The following ZNF469 variants were observed in gnomAD, a reference collection of about 807,000 sequenced individuals.
ZNF469 encodes zinc finger protein 469.
In ZNF469, 1 loss-of-function variant was observed where a neutral mutation model predicts 1.0. The observed-to-expected ratio is 1.00, with a 90% CI of 0.35 to 4.73. ZNF469 has a LOEUF of 4.73. Among genes scored for constraint, ZNF469 ranks in the 30% most tolerant of loss-of-function variants. The pLI is 0.16. For synonymous variants in ZNF469, 2,703 were observed against 2,363.4 expected (o/e 1.14, Z -4.17); for missense variants, 6,100 against 5,356.3 (o/e 1.14, Z -4.33).
At chr16:88,399,441 C>G (rs1904791741) in intron 1 of ZNF469, among the ~76,000 whole-genome samples, 1 of 152,110 alleles carries the variant, frequency 6.6e-6, no homozygotes, top group Admixed American at 6.5e-5. Flanking sequence ...TAAACTGGGC[C>G]TGTGGGCCCA....
In ZNF469 at chr16:88,434,014, C is replaced by G; in HGVS notation, c.6544C>G (p.Gln2182Glu). 1 of 1,550,200 alleles carries G rather than the reference C, an allele frequency of 6.5e-7. No individual in the cohort carries two copies. The highest frequency in any genetic ancestry group is 1.2e-5 in the South Asian group (1 of 84,060). ...WAPLEEADGVQATTDTGAEDS... is the reference protein window; with the variant it reads ...WAPLEEADGVEATTDTGAEDS... ...ACCTCTGGAAGAGGCAGATGGCGTC[C>G]AAGCCACGACAGATACTGGGGCTGA... Residue 2182 changes from glutamine to glutamate, a missense_variant, in exon 3 of 3, where the codon CAA (glutamine) becomes GAA (glutamate). Gln to Glu is a conservative substitution (Grantham distance 29). Coordinates refer to ENST00000565624, the MANE Select transcript of ZNF469 (RefSeq NM_001367624.2).
At chr16:88,116,048 C>T in the ZNF469 span, among the ~76,000 whole-genome samples, 1 of 152,226 alleles carries the variant, frequency 6.6e-6, no homozygotes, top group Non-Finnish European at 1.5e-5. Flanking sequence ...AGAGAAACTG[C>T]AGAGCGGGGA....
intron 1 of ZNF469, among the ~76,000 whole-genome samples, chr16:88,403,164 G>A (rs563280429): frequency 6.6e-6 from 1 of 152,204 alleles, no homozygotes; most frequent in Non-Finnish European, 1.5e-5. Flanking sequence ...CTCGGGGCCA[G>A]TGGCCGTGCT....
At chr16:88,187,198 G>A in the ZNF469 span, among the ~76,000 whole-genome samples, 67 of 152,148 alleles carry the variant, frequency 4.4e-4, no homozygotes, top group Non-Finnish European at 8.2e-4. Flanking sequence ...CGCAGGTTGG[G>A]GACCCTGAAG....
At chr16:88,147,853 G>C in the ZNF469 span, among the ~76,000 whole-genome samples, 1 of 152,172 alleles carries the variant, frequency 6.6e-6, no homozygotes, top group African/African-American at 2.4e-5. Flanking sequence ...CAATCTGAGT[G>C]TTGAAGAGAA....
the ZNF469 span, among the ~76,000 whole-genome samples, chr16:88,171,005 C>T: frequency 6.6e-6 from 1 of 152,130 alleles, no homozygotes; most frequent in South Asian, 2.1e-4. Flanking sequence ...AACACTCACC[C>T]TAGGACAACC....
At chr16:88,123,043 CTTTTA>C in the ZNF469 span, among the ~76,000 whole-genome samples, 3 of 152,040 alleles carry the variant, frequency 2.0e-5, no homozygotes, top group Admixed American at 2.0e-4. Context: ...TTGGCTATCA[CTTTTA>C]TTTATTTATT....
the ZNF469 span, among the ~76,000 whole-genome samples, chr16:88,285,866 C>A: frequency 1.3e-5 from 2 of 152,232 alleles, no homozygotes; most frequent in African/African-American, 2.4e-5. Context: ...GGCCCTCGTG[C>A]CACTTGGCCT....
At chr16:88,206,103 C>T in the ZNF469 span, among the ~76,000 whole-genome samples, 1 of 152,190 alleles carries the variant, frequency 6.6e-6, no homozygotes, top group Non-Finnish European at 1.5e-5. Flanking sequence ...CCGTGTTTTC[C>T]ATGATCTCTC....
chr16:88,331,363 C>CCAT, the ZNF469 span, among the ~76,000 whole-genome samples: 2 of 150,608 alleles, frequency 1.3e-5, no homozygotes, highest in Non-Finnish European at 3.0e-5. Flanking sequence ...ACCATCATCA[C>CCAT]CATCATCATC....
chr16:88,276,811 G>A, the ZNF469 span, among the ~76,000 whole-genome samples: 1 of 152,160 alleles, frequency 6.6e-6, no homozygotes, highest in Non-Finnish European at 1.5e-5. Flanking sequence ...TATCATTAGT[G>A]CTGCGCCACG....
At chr16:88,153,188 C>T in the ZNF469 span, among the ~76,000 whole-genome samples, 1 of 152,224 alleles carries the variant, frequency 6.6e-6, no homozygotes, top group South Asian at 2.1e-4. Flanking sequence ...TCTCTCTGCA[C>T]TCCGGGAACC....
the ZNF469 span, among the ~76,000 whole-genome samples, chr16:88,106,387 T>G: frequency 2.0e-5 from 3 of 152,256 alleles, no homozygotes; most frequent in Non-Finnish European, 4.4e-5. Flanking sequence ...TGAGATTGGC[T>G]GTCTAGCAGA....
chr16:88,428,758 C>T lies in ZNF469; in HGVS notation c.1288C>T (p.Pro430Ser), dbSNP rs1905893301. 6.5e-7 allele frequency: 1 copy of T among 1,545,944 alleles called. No individual in the cohort carries two copies. The highest frequency in any genetic ancestry group is 1.2e-5 in the South Asian group (1 of 84,006). ...PGPPDTELAA[P>S]GPPPARLPQL... ...GCCTCCGGACACCGAGCTGGCCGCC[C>T]CAGGGCCCCCACCCGCCAGGCTGCC... The change falls in exon 3 of 3, where the codon CCA becomes TCA. Residue 430 changes from proline to serine, a missense_variant. Coordinates refer to ENST00000565624, the MANE Select transcript of ZNF469 (RefSeq NM_001367624.2).
Position 88,438,874 on chromosome 16 carries a change from C to T in ZNF469, c.11404C>T (p.His3802Tyr). The change falls in exon 3 of 3, where the codon CAC (histidine) becomes TAC (tyrosine). Residue 3802 changes from histidine (H) to tyrosine (Y), a missense_variant. Coordinates refer to ENST00000565624, the MANE Select transcript of ZNF469 (RefSeq NM_001367624.2). The part of the protein sequence containing the change: ...GPREAGEQGP[H>Y]GSLGPKEKGE... ...AAGGGAAGCTGGTGAGCAGGGGCCC[C>T]ACGGGAGCCTAGGTCCCAAGGAGAA... 6.4e-7 allele frequency: 1 copy of T among 1,550,486 alleles called. No individual in the cohort carries two copies. Among genetic ancestry groups the T allele is most frequent in the Non-Finnish European group, 8.7e-7 (1 of 1,146,984 alleles).
chr16:88,258,084 T>C, the ZNF469 span, among the ~76,000 whole-genome samples: 1 of 152,154 alleles, frequency 6.6e-6, no homozygotes, highest in Non-Finnish European at 1.5e-5. Context: ...GTGATTGCAA[T>C]AGAACCTGGT....
At chr16:88,221,672 C>T in the ZNF469 span, among the ~76,000 whole-genome samples, 2 of 152,350 alleles carry the variant, frequency 1.3e-5, no homozygotes, top group East Asian at 3.9e-4. Context: ...TAACAGAGGA[C>T]CACACACCGG....
At chr16:88,216,370 T>G in the ZNF469 span, among the ~76,000 whole-genome samples, 1 of 151,916 alleles carries the variant, frequency 6.6e-6, no homozygotes, top group Non-Finnish European at 1.5e-5. Context: ...GGTGGGTGCC[T>G]GTAGTCCCAG....
the ZNF469 span, among the ~76,000 whole-genome samples, chr16:88,225,887 A>G: frequency 5.3e-5 from 8 of 152,144 alleles, no homozygotes; most frequent in Admixed American, 5.2e-4. Context: ...TTGTTATAGC[A>G]GCATGTATGT....
Sources: allele counts gnomAD v4.1 joint callset (sites outside exome capture counted in the v4.1 genomes callset), GRCh38; gene constraint gnomAD v4.1.1; transcripts MANE v1.5; gene names NCBI Gene and HGNC (gene_info 2026-07-23, HGNC 2026-07-21).